Variants in NRG1 observed in about 807,000 individuals in gnomAD.
NRG1 encodes neuregulin 1.
A neutral mutation model predicts 63.8 loss-of-function variants in NRG1; 18 were observed. The ratio of observed to expected loss-of-function variants is 0.28; its 90% CI spans 0.19 to 0.42. NRG1 has a LOEUF of 0.42. Among genes scored for constraint, NRG1 ranks in the 10% least tolerant of loss-of-function variants. NRG1 has a pLI of 1.00. For missense variants in NRG1, 762 were observed against 814.7 expected (o/e 0.94, Z 0.79); for synonymous variants, 302 against 301.3 (o/e 1.00, Z -0.02).
At chr8:32,058,626 AT>A (rs1823355170) in intron 1 of NRG1, among the ~76,000 whole-genome samples, 1 of 151,730 alleles carries the variant, frequency 6.6e-6, no homozygotes, top group Non-Finnish European at 1.5e-5. Flanking sequence ...GCACTCAATA[AT>A]TTCTGGATCT....
At chr8:32,140,942 T>TCTCTCTCTCTCTCTCGCTCA (rs1836169978) in intron 1 of NRG1, among the ~76,000 whole-genome samples, 1 of 149,130 alleles carries the variant, frequency 6.7e-6, no homozygotes, top group Non-Finnish European at 1.5e-5. Flanking sequence ...ATGCACCTTC[T>TCTCTCTCTCTCTCTCGCTCA]CTCTCTCTCT....
chr8:32,453,280 A>T (rs1821190225), intron 1 of NRG1, among the ~76,000 whole-genome samples: 1 of 152,220 alleles, frequency 6.6e-6, no homozygotes, highest in Admixed American at 6.5e-5. Context: ...TTGCTCCTTA[A>T]CATATTCTGT....
intron 1 of NRG1, among the ~76,000 whole-genome samples, chr8:32,073,323 AC>A (rs1826023788): frequency 6.6e-6 from 1 of 152,166 alleles, no homozygotes; most frequent in Non-Finnish European, 1.5e-5. Flanking sequence ...GGAAGTTGGA[AC>A]CGAGGAGAAA....
intron 1 of NRG1, among the ~76,000 whole-genome samples, chr8:32,148,951 G>C (rs546602819): frequency 6.6e-6 from 1 of 152,040 alleles, no homozygotes; most frequent in African/African-American, 2.4e-5. Context: ...ATTTTACATT[G>C]GGCATCTATC....
At chr8:32,763,251 G>T (rs755386339) in intron 11 of NRG1, 6 of 1,613,880 alleles carry the variant, frequency 3.7e-6, no homozygotes, top group Non-Finnish European at 5.1e-6. Context: ...GGAGAAACAA[G>T]GCACACAGAT....
chr8:32,672,433 G>T (rs1244090850), intron 5 of NRG1, among the ~76,000 whole-genome samples: 1 of 152,004 alleles, frequency 6.6e-6, no homozygotes, highest in South Asian at 2.1e-4. Context: ...TTCATTATGA[G>T]AATCTCCCAC....
At chr8:32,351,490 G>T (rs1055315937) in intron 1 of NRG1, among the ~76,000 whole-genome samples, 3 of 152,092 alleles carry the variant, frequency 2.0e-5, no homozygotes, top group Admixed American at 2.0e-4. Context: ...AGAAAATCCT[G>T]CACTCTCTCC....
intron 1 of NRG1, among the ~76,000 whole-genome samples, chr8:31,845,835 T>A (rs2129608328): frequency 6.6e-6 from 1 of 152,334 alleles, no homozygotes; most frequent in Non-Finnish European, 1.5e-5. Flanking sequence ...GAAGTTCTAT[T>A]CTCAGAATGG....
At chr8:32,391,813 A>T (rs1180764832) in intron 1 of NRG1, among the ~76,000 whole-genome samples, 3 of 152,194 alleles carry the variant, frequency 2.0e-5, no homozygotes, top group African/African-American at 7.2e-5. Flanking sequence ...TGACAAAAAT[A>T]ATAACCCACA....
At chr8:32,106,367 A>C (rs1042544915) in intron 1 of NRG1, among the ~76,000 whole-genome samples, 1 of 152,194 alleles carries the variant, frequency 6.6e-6, no homozygotes, top group East Asian at 1.9e-4. Flanking sequence ...GTTAAAATGT[A>C]TTTTGATTAT....
chr8:32,083,076 A>T (rs1827711258), intron 1 of NRG1, among the ~76,000 whole-genome samples: 1 of 152,194 alleles, frequency 6.6e-6, no homozygotes, highest in Admixed American at 6.6e-5. Context: ...ATGTGGGCGC[A>T]GTCATGAGTA....
At chr8:32,536,188 G>A (rs1831947699) in intron 1 of NRG1, among the ~76,000 whole-genome samples, 2 of 152,132 alleles carry the variant, frequency 1.3e-5, no homozygotes, top group Admixed American at 1.3e-4. Context: ...TGAAATCAAG[G>A]TGTTGACCGG....
At chr8:32,213,398 T>C (rs7825246) in intron 1 of NRG1, among the ~76,000 whole-genome samples, 6,423 of 152,048 alleles carry the variant, frequency 0.042, 205 homozygotes, top group Middle Eastern at 0.092. Flanking sequence ...TACTTATAAA[T>C]GGGGGCTGAA....
intron 1 of NRG1, among the ~76,000 whole-genome samples, chr8:32,171,167 A>C (rs1479111146): frequency 6.6e-6 from 1 of 152,208 alleles, no homozygotes; most frequent in Admixed American, 6.5e-5. Context: ...GCTTTTTAGG[A>C]AGAAAAAAAC....
chr8:32,133,456 G>C (rs1027205653), intron 1 of NRG1, among the ~76,000 whole-genome samples: 1 of 151,954 alleles, frequency 6.6e-6, no homozygotes, highest in African/African-American at 2.4e-5. Context: ...GAACCCATGT[G>C]GTTCAACTGA....
chr8:31,836,093 A>G (rs1386270942), intron 1 of NRG1, among the ~76,000 whole-genome samples: 2 of 152,130 alleles, frequency 1.3e-5, no homozygotes, highest in Non-Finnish European at 2.9e-5. Flanking sequence ...CATTCTTTTT[A>G]TTTTAGAGGA....
chr8:32,009,954 G>A (rs1814476808), intron 1 of NRG1, among the ~76,000 whole-genome samples: 1 of 149,554 alleles, frequency 6.7e-6, no homozygotes, highest in Admixed American at 6.8e-5. Flanking sequence ...TGTCAGCTGT[G>A]TATTATGGCA....
chr8:32,075,475 T>C (rs1826357424), intron 1 of NRG1, among the ~76,000 whole-genome samples: 2 of 152,188 alleles, frequency 1.3e-5, no homozygotes, highest in Non-Finnish European at 2.9e-5. Flanking sequence ...TTTTTTCCAA[T>C]GTATTCCAGA....
chr8:32,056,623 A>G (rs1348824447), intron 1 of NRG1, among the ~76,000 whole-genome samples: 2 of 152,124 alleles, frequency 1.3e-5, no homozygotes, highest in Non-Finnish European at 2.9e-5. Flanking sequence ...CTAACCTCAC[A>G]TTTGTTTAAT....
Sources: allele counts gnomAD v4.1 joint callset (sites outside exome capture counted in the v4.1 genomes callset), GRCh38; gene constraint gnomAD v4.1.1; transcripts MANE v1.5; gene names NCBI Gene and HGNC (gene_info 2026-07-23, HGNC 2026-07-21).